Variants in VWDE observed in about 807,000 individuals in gnomAD.
VWDE encodes the protein von Willebrand factor D and EGF domains.
Under a neutral mutation model 178.4 loss-of-function variants are expected in VWDE, and 207 were observed. The observed-to-expected ratio is 1.16, with a 90% CI of 1.04 to 1.30. The LOEUF is 1.30. Ranked by LOEUF, VWDE falls within the 50% of genes most tolerant of loss-of-function variation. The pLI, the probability that VWDE is intolerant of heterozygous loss-of-function variation, is 0.00. For missense variants in VWDE, 2,287 were observed against 1,901.3 expected (o/e 1.20, Z -3.77); for synonymous variants, 738 against 651.4 (o/e 1.13, Z -2.02).
chr7:12,334,171 TATA>T (rs111233477), intron 27 of VWDE, among the ~76,000 whole-genome samples: 225 of 152,266 alleles, frequency 1.5e-3, no homozygotes, highest in African/African-American at 5.2e-3. Flanking sequence ...AGAAAATACT[TATA>T]ATACTTAATA....
intron 24 of VWDE, among the ~76,000 whole-genome samples, chr7:12,337,989 T>C (rs568257052): frequency 6.6e-6 from 1 of 152,206 alleles, no homozygotes; most frequent in East Asian, 1.9e-4. Context: ...GGCAAGCCTG[T>C]CCAGAAAATT....
intron 23 of VWDE, among the ~76,000 whole-genome samples, 191 bp from the exon 24 acceptor site, chr7:12,340,608 T>G (rs1380485709): frequency 6.6e-6 from 1 of 152,224 alleles, no homozygotes; most frequent in East Asian, 1.9e-4. Context: ...TTTGAAAGTA[T>G]GTTCATTAAG....
chr7:12,364,266 G>T (rs1309291108), intron 13 of VWDE, among the ~76,000 whole-genome samples: 2 of 152,028 alleles, frequency 1.3e-5, no homozygotes, highest in African/African-American at 2.4e-5. Flanking sequence ...CATTAAAAGG[G>T]CCAAGAAGGA....
chr7:12,393,590 A>G lies in VWDE; in HGVS notation c.243+4T>C, dbSNP rs192319964. The G allele has an allele frequency of 1.0e-4, 161 of 1,541,964 alleles. No homozygotes were observed. The African/African-American group carries it at 1.8e-3, about 18-fold the overall frequency. ...AACATGCAGTACTTAGGGAGTTGAC[A>G]TACCTCAACACATTTGGTTGGCATC... On this transcript the variant is annotated splice_donor_region_variant and intron_variant, in intron 2 of 28. Coordinates refer to ENST00000275358, the MANE Select transcript of VWDE (RefSeq NM_001135924.3).
At chr7:12,373,438 T>C (rs116636937) in intron 9 of VWDE, among the ~76,000 whole-genome samples, 191 bp from the exon 10 acceptor site, 1,921 of 152,260 alleles carry the variant, frequency 0.013, 35 homozygotes, top group African/African-American at 0.044. Flanking sequence ...CAAGCTGCTC[T>C]CCTTGAGCAG....
chr7:12,403,228 G>T (rs958833609), intron 1 of VWDE, among the ~76,000 whole-genome samples: 3 of 152,162 alleles, frequency 2.0e-5, no homozygotes, highest in Admixed American at 2.0e-4. Flanking sequence ...GTTCACCAAT[G>T]AATTATTTCT....
chr7:12,398,252 G>C (rs1399038080), intron 1 of VWDE, among the ~76,000 whole-genome samples: 3 of 152,074 alleles, frequency 2.0e-5, no homozygotes, highest in Non-Finnish European at 2.9e-5. Flanking sequence ...GGTTTCTTTT[G>C]AATAAATATA....
intron 12 of VWDE, among the ~76,000 whole-genome samples, chr7:12,367,759 A>G (rs889079681): frequency 6.6e-6 from 1 of 152,138 alleles, no homozygotes; most frequent in African/African-American, 2.4e-5. Flanking sequence ...AATATTTTAT[A>G]TCAATTAAGG....
chr7:12,395,509 T>C (rs982779691), intron 1 of VWDE, among the ~76,000 whole-genome samples: 8 of 152,144 alleles, frequency 5.3e-5, no homozygotes. Flanking sequence ...GATAATTGTT[T>C]CCTAATACAA....
chr7:12,380,860 T>C (rs1783819101), intron 4 of VWDE, 127 bp from the exon 5 acceptor site: 1 of 1,124,442 alleles, frequency 8.9e-7, no homozygotes, highest in Non-Finnish European at 1.2e-6. Flanking sequence ...TTTAGAAAAA[T>C]GATTATTTCT....
chr7:12,400,572 AG>A (rs1784850946), intron 1 of VWDE, among the ~76,000 whole-genome samples: 1 of 152,156 alleles, frequency 6.6e-6, no homozygotes, highest in Non-Finnish European at 1.5e-5. Context: ...CTACCCACAA[AG>A]AAAAGACCTG....
chr7:12,343,254 C>G (rs1377629080), intron 21 of VWDE, 76 bp from the exon 22 acceptor site: 2 of 1,057,758 alleles, frequency 1.9e-6, no homozygotes, highest in African/African-American at 3.2e-5. Flanking sequence ...AGCACTGTCA[C>G]AATAAAATCT....
At chr7:12,357,067 C>T (rs1440480119) in intron 17 of VWDE, among the ~76,000 whole-genome samples, 198 bp downstream of exon 17, 2 of 152,128 alleles carry the variant, frequency 1.3e-5, no homozygotes, top group East Asian at 3.8e-4. Flanking sequence ...TAGATCTGTG[C>T]TTCTAGGCTT....
intron 7 of VWDE, among the ~76,000 whole-genome samples, chr7:12,376,576 A>G (rs114999749): frequency 0.012 from 1,887 of 152,208 alleles, 33 homozygotes; most frequent in African/African-American, 0.043. Flanking sequence ...ATCTTTGACT[A>G]ACATGATTTT....
intron 9 of VWDE, 24 bp from the exon 10 acceptor site, chr7:12,373,271 C>T: frequency 6.5e-7 from 1 of 1,544,352 alleles, no homozygotes; most frequent in Non-Finnish European, 8.7e-7. Flanking sequence ...AAGGCAATTG[C>T]ATTAAAAAAT....
In VWDE at chr7:12,344,239, A is replaced by G; in HGVS notation, c.4034T>C (p.Ile1345Thr). 6.4e-7 allele frequency: 1 copy of G among 1,551,322 alleles called. No individual in the cohort carries two copies. The highest frequency in any genetic ancestry group is 8.7e-7 in the Non-Finnish European group (1 of 1,146,682). ...ACCATGTCCTGGAAGACACTGACAA[A>G]TGTTAGGCTTAATACATTTTCCATG... ...KNHGKCIKPN[I>T]CQCLPGHGGA... is the part of the protein sequence containing the mutation. The change falls in exon 21 of 29, where the codon ATT (isoleucine) becomes ACT (threonine). Residue 1345 changes from isoleucine to threonine, a missense_variant. By Grantham distance (89) the Ile-to-Thr change is moderately conservative. Transcript: ENST00000275358.
chr7:12,342,091 T>A lies in VWDE; in HGVS notation c.4238A>T (p.Lys1413Ile), dbSNP rs894386746. 1 of 1,551,298 alleles carries A rather than the reference T, an allele frequency of 6.4e-7. No individual in the cohort carries two copies. The highest frequency in any genetic ancestry group is 1.4e-5 in the African/African-American group (1 of 72,902). The change falls in exon 23 of 29, where the codon AAA (lysine) becomes ATA (isoleucine). Residue 1413 changes from lysine (K) to isoleucine (I), a missense_variant. By Grantham distance (102) the Lys-to-Ile change is moderately radical. Transcript: ENST00000275358. ...QCLTPDICQCKPGWYGPTCST... is the reference protein window; with the variant it reads ...QCLTPDICQCIPGWYGPTCST... ...ACAGGTGGGTCCATACCAGCCAGGTTTGCACTGGCAAATATCTGGTGTAAG... is the reference window on the plus strand; with the variant it reads ...ACAGGTGGGTCCATACCAGCCAGGTATGCACTGGCAAATATCTGGTGTAAG...
intron 3 of VWDE, among the ~76,000 whole-genome samples, chr7:12,386,124 G>GT (rs1784087393): frequency 2.0e-5 from 3 of 151,902 alleles, no homozygotes; most frequent in African/African-American, 7.3e-5. Context: ...TAAATGATGG[G>GT]TTTTTCCATG....
chr7:12,365,421 G>C (rs1782805013), intron 13 of VWDE, among the ~76,000 whole-genome samples: 1 of 152,018 alleles, frequency 6.6e-6, no homozygotes, highest in Admixed American at 6.6e-5. Context: ...CAAAATAAAA[G>C]TTTTTAAAAA....
Sources: allele counts gnomAD v4.1 joint callset (sites outside exome capture counted in the v4.1 genomes callset), GRCh38; gene constraint gnomAD v4.1.1; transcripts MANE v1.5; gene names NCBI Gene and HGNC (gene_info 2026-07-23, HGNC 2026-07-21).